Variants in EPHA6 observed in about 807,000 individuals in gnomAD.
EPHA6 encodes EPH receptor A6, also known as ephrin type-A receptor 6.
In EPHA6, 50 loss-of-function variants were observed where a neutral mutation model predicts 112.0. The observed-to-expected ratio is 0.45, with a 90% CI of 0.36 to 0.56. The LOEUF (loss-of-function observed/expected upper bound fraction) is 0.56. Among genes scored for constraint, EPHA6 ranks in the 20% least tolerant of loss-of-function variants. The probability of loss-of-function intolerance (pLI) is 0.00; values close to 1 mark genes in which losing one functional copy is unlikely to be tolerated. For missense variants in EPHA6, 1,280 were observed against 1,417.4 expected (o/e 0.90, Z 1.56); for synonymous variants, 529 against 490.7 (o/e 1.08, Z -1.03).
intron 3 of EPHA6, among the ~76,000 whole-genome samples, chr3:97,012,386 A>C (rs1193120931): frequency 6.6e-6 from 1 of 151,322 alleles, no homozygotes; most frequent in Non-Finnish European, 1.5e-5. Context: ...GCATGATCAC[A>C]GCTCACAGTA....
chr3:97,450,941 T>G (rs188165021), intron 7 of EPHA6, among the ~76,000 whole-genome samples: 1 of 152,090 alleles, frequency 6.6e-6, no homozygotes, highest in East Asian at 1.9e-4. Context: ...TCAGCACACA[T>G]GGGTGGTGAA....
At chr3:97,227,071 C>G (rs1287040016) in intron 4 of EPHA6, among the ~76,000 whole-genome samples, 1 of 151,674 alleles carries the variant, frequency 6.6e-6, no homozygotes, top group Non-Finnish European at 1.5e-5. Context: ...AATATCAGTA[C>G]ATTTAAAAAA....
chr3:97,255,359 G>A (rs1382644631), intron 5 of EPHA6, among the ~76,000 whole-genome samples: 4 of 152,094 alleles, frequency 2.6e-5, no homozygotes, highest in Non-Finnish European at 5.9e-5. Context: ...GGTTCCTCCA[G>A]GGAACATTCA....
chr3:97,062,235 C>G (rs2046045008), intron 3 of EPHA6, among the ~76,000 whole-genome samples: 1 of 151,882 alleles, frequency 6.6e-6, no homozygotes, highest in Non-Finnish European at 1.5e-5. Flanking sequence ...AATAAGGAGA[C>G]AGAAACCACA....
At chr3:97,364,638 T>C (rs950418797) in intron 5 of EPHA6, among the ~76,000 whole-genome samples, 1 of 152,144 alleles carries the variant, frequency 6.6e-6, no homozygotes, top group Non-Finnish European at 1.5e-5. Context: ...TTTAAATGAA[T>C]ATTAATTACC....
intron 3 of EPHA6, among the ~76,000 whole-genome samples, chr3:97,183,021 G>A (rs904182781): frequency 1.4e-4 from 21 of 151,906 alleles, no homozygotes; most frequent in African/African-American, 2.4e-4. Flanking sequence ...CTTCTCTTGG[G>A]TTCTACTTTG....
intron 5 of EPHA6, among the ~76,000 whole-genome samples, chr3:97,254,574 C>T (rs1392382098): frequency 6.6e-6 from 1 of 152,136 alleles, no homozygotes; most frequent in African/African-American, 2.4e-5. Flanking sequence ...TTGTATTAAC[C>T]AAATTCCTAC....
intron 1 of EPHA6, among the ~76,000 whole-genome samples, chr3:96,826,614 A>T (rs1181558185): frequency 6.6e-6 from 1 of 152,010 alleles, no homozygotes; most frequent in Non-Finnish European, 1.5e-5. Flanking sequence ...GCTATTTTCC[A>T]TGTCTTTCTA....
chr3:97,278,781 C>T (rs557797956), intron 5 of EPHA6, among the ~76,000 whole-genome samples: 1 of 152,272 alleles, frequency 6.6e-6, no homozygotes, highest in South Asian at 2.1e-4. Context: ...TTTCTCTAGG[C>T]ACCTGATTTA....
chr3:97,295,791 A>G (rs1395981297), intron 5 of EPHA6, among the ~76,000 whole-genome samples: 1 of 152,030 alleles, frequency 6.6e-6, no homozygotes, highest in Non-Finnish European at 1.5e-5. Flanking sequence ...GACTATACAC[A>G]GAGTCAGTGG....
In EPHA6 at chr3:97,750,833, C is replaced by CA. The variant is rs1174162895; in HGVS notation, c.*2139dup. Among the ~76,000 whole-genome samples the CA allele has an allele frequency of 6.6e-6, 1 of 151,706 alleles. No homozygotes were observed. Among genetic ancestry groups the CA allele is most frequent in the Admixed American group, 6.6e-5 (1 of 15,218 alleles). ...GTCTTTAGATGTTTCTTAAAATATA[C>CA]AAAAAAAGGTAGGGGGTGATGGGAA... On this transcript the variant is annotated 3_prime_UTR_variant, in exon 18 of 18. Coordinates refer to ENST00000389672, the MANE Select transcript of EPHA6 (RefSeq NM_001080448.3).
chr3:97,140,542 C>CA (rs1195355746), intron 3 of EPHA6, among the ~76,000 whole-genome samples: 1 of 152,116 alleles, frequency 6.6e-6, no homozygotes, highest in East Asian at 1.9e-4. Flanking sequence ...TTCTTAAAGA[C>CA]AAAAAATGCC....
At chr3:97,311,656 C>T (rs1289935625) in intron 5 of EPHA6, among the ~76,000 whole-genome samples, 2 of 151,708 alleles carry the variant, frequency 1.3e-5, no homozygotes, top group Admixed American at 6.6e-5. Flanking sequence ...TATCTTTCCT[C>T]ATTCAATACC....
intron 10 of EPHA6, among the ~76,000 whole-genome samples, chr3:97,501,139 T>C (rs983855462): frequency 6.6e-6 from 1 of 152,128 alleles, no homozygotes; most frequent in Non-Finnish European, 1.5e-5. Flanking sequence ...CAACCAGAAA[T>C]TGAGAAATCT....
At chr3:96,904,096 C>T (rs1451770102) in intron 2 of EPHA6, among the ~76,000 whole-genome samples, 1 of 152,072 alleles carries the variant, frequency 6.6e-6, no homozygotes, top group East Asian at 1.9e-4. Flanking sequence ...ACCCAGCCAT[C>T]CCGTTACTGG....
At chr3:97,438,111 C>T (rs942166635) in intron 6 of EPHA6, among the ~76,000 whole-genome samples, 1 of 152,070 alleles carries the variant, frequency 6.6e-6, no homozygotes, top group Non-Finnish European at 1.5e-5. Context: ...GGCCAAGTAT[C>T]AAACTTTAAA....
chr3:97,240,014 C>T (rs137998474), intron 4 of EPHA6, among the ~76,000 whole-genome samples: 1 of 151,902 alleles, frequency 6.6e-6, no homozygotes, highest in East Asian at 1.9e-4. Context: ...TTCTGAACCT[C>T]GTTTCTTCAT....
At chr3:96,858,603 A>G (rs1452137743) in intron 1 of EPHA6, among the ~76,000 whole-genome samples, 1 of 152,182 alleles carries the variant, frequency 6.6e-6, no homozygotes, top group African/African-American at 2.4e-5. Flanking sequence ...GGATAAATAA[A>G]TAATGCAAAA....
At chr3:97,459,506 T>C (rs914658945) in intron 7 of EPHA6, among the ~76,000 whole-genome samples, 3 of 152,174 alleles carry the variant, frequency 2.0e-5, no homozygotes, top group Non-Finnish European at 4.4e-5. Context: ...ATGTGGCTAG[T>C]GAGGACCATG....
Sources: allele counts gnomAD v4.1 joint callset (sites outside exome capture counted in the v4.1 genomes callset), GRCh38; gene constraint gnomAD v4.1.1; transcripts MANE v1.5; gene names NCBI Gene and HGNC (gene_info 2026-07-23, HGNC 2026-07-21).